FAM169A: variants seen among roughly 807,000 people sequenced by gnomAD.
FAM169A encodes the protein soluble lamin-associated protein of 75 kDa.
A neutral mutation model predicts 75.7 loss-of-function variants in FAM169A; 24 were observed. The ratio of observed to expected loss-of-function variants is 0.32; its 90% CI spans 0.23 to 0.45. The LOEUF (loss-of-function observed/expected upper bound fraction) is 0.45, where lower values mean the gene tolerates loss of function less well. Among genes scored for constraint, FAM169A ranks in the 20% least tolerant of loss-of-function variants. FAM169A has a pLI of 1.00. For synonymous variants in FAM169A, 271 were observed against 271.0 expected, an observed-to-expected ratio of 1.00 and a Z score of 0.00; for missense variants, 673 against 784.0, an observed-to-expected ratio of 0.86 and a Z score of 1.69.
chr5:74,839,339 G>T (rs193068519), intron 3 of FAM169A, among the ~76,000 whole-genome samples: 2 of 151,848 alleles, frequency 1.3e-5, no homozygotes, highest in African/African-American at 4.8e-5. Context: ...GGGTCAGGGT[G>T]GGGGGGTCCC....
intron 10 of FAM169A, among the ~76,000 whole-genome samples, chr5:74,796,491 C>T (rs775778884): frequency 1.3e-5 from 2 of 151,982 alleles, no homozygotes; most frequent in Non-Finnish European, 2.9e-5. Flanking sequence ...CTGCAACCTC[C>T]ACCTCCCAGG....
intron 5 of FAM169A, among the ~76,000 whole-genome samples, chr5:74,819,702 A>C (rs1157450176): frequency 6.6e-6 from 1 of 152,226 alleles, no homozygotes; most frequent in African/African-American, 2.4e-5. Flanking sequence ...TATCTATACA[A>C]GGTAATACTA....
At chr5:74,810,404 A>G (rs1747113581) in intron 6 of FAM169A, among the ~76,000 whole-genome samples, 2 of 152,102 alleles carry the variant, frequency 1.3e-5, no homozygotes, top group South Asian at 2.1e-4. Context: ...GCAAGGGTCC[A>G]TATGTTTGTC....
chr5:74,795,998 T>G (rs1746253018), intron 11 of FAM169A, 32 bp downstream of exon 11: 1 of 1,595,538 alleles, frequency 6.3e-7, no homozygotes, highest in South Asian at 1.1e-5. Flanking sequence ...TAGTTTACTT[T>G]TTTTCATTTT....
At chr5:74,837,645 T>A (rs1010893381) in intron 4 of FAM169A, among the ~76,000 whole-genome samples, 1 of 152,112 alleles carries the variant, frequency 6.6e-6, no homozygotes, top group African/African-American at 2.4e-5. Context: ...TGAATTGGAG[T>A]AACAGGATCA....
At chr5:74,793,594 C>T (rs780790927) in intron 11 of FAM169A, among the ~76,000 whole-genome samples, 14 of 152,104 alleles carry the variant, frequency 9.2e-5, no homozygotes, top group Admixed American at 7.2e-4. Context: ...AAAGACTACA[C>T]GTTGGGTACA....
chr5:74,858,039 C>G (rs1283717700), intron 1 of FAM169A, among the ~76,000 whole-genome samples: 1 of 151,910 alleles, frequency 6.6e-6, no homozygotes, highest in Non-Finnish European at 1.5e-5. Flanking sequence ...TATTCTAAAG[C>G]CAAATATCAA....
At chr5:74,793,945 G>A (rs1290177332) in intron 11 of FAM169A, among the ~76,000 whole-genome samples, 1 of 149,228 alleles carries the variant, frequency 6.7e-6, no homozygotes, top group South Asian at 2.1e-4. Flanking sequence ...AGAGCTTGCA[G>A]TGAGCCGAGA....
intron 5 of FAM169A, among the ~76,000 whole-genome samples, chr5:74,826,840 T>C (rs947477442): frequency 6.6e-6 from 1 of 152,234 alleles, no homozygotes; most frequent in African/African-American, 2.4e-5. Flanking sequence ...ACTAATGTTC[T>C]TTTCTGTTTC....
Position 74,839,049 on chromosome 5 carries a change from A to G in FAM169A, c.234T>C (p.Ala78=), listed in dbSNP as rs1313496342. ...ALFAPEDSLT[A]VALYLADQWW... is the part of the protein sequence containing the mutation. ...ACTGATCAGCAAGGTAAAGTGCCACAGCTAAAATAGAATAAATAATCATTA... is the reference window on the plus strand; with the variant it reads ...ACTGATCAGCAAGGTAAAGTGCCACGGCTAAAATAGAATAAATAATCATTA... Residue 78 remains alanine (A), a splice_region_variant and synonymous_variant, in exon 4 of 13, where the codon GCT becomes GCC. Transcript: ENST00000687041. 3 of 1,610,158 alleles carry G rather than the reference A, an allele frequency of 1.9e-6. No homozygotes were observed. The highest frequency in any genetic ancestry group is 1.1e-5 in the South Asian group (1 of 91,002).
chr5:74,802,620 C>T (rs536072538), intron 8 of FAM169A, among the ~76,000 whole-genome samples: 1 of 152,180 alleles, frequency 6.6e-6, no homozygotes, highest in East Asian at 1.9e-4. Context: ...AATTATTATG[C>T]TATAGTATAT....
chr5:74,862,285 A>G (rs1750077184), intron 1 of FAM169A, among the ~76,000 whole-genome samples: 1 of 152,230 alleles, frequency 6.6e-6, no homozygotes, highest in South Asian at 2.1e-4. Context: ...AGCAAAACTC[A>G]TACACATCCA....
intron 1 of FAM169A, among the ~76,000 whole-genome samples, chr5:74,847,984 C>T (rs1749247031): frequency 6.6e-6 from 1 of 152,010 alleles, no homozygotes. Flanking sequence ...GATTTCTGAA[C>T]ACGGTTTAAA....
At chr5:74,819,787 A>G (rs976492229) in intron 5 of FAM169A, among the ~76,000 whole-genome samples, 2 of 152,190 alleles carry the variant, frequency 1.3e-5, no homozygotes, top group Admixed American at 6.5e-5. Flanking sequence ...ATGCTAAACA[A>G]AAGACGCCAG....
At chr5:74,860,628 A>T (rs1749982400) in intron 1 of FAM169A, among the ~76,000 whole-genome samples, 1 of 152,070 alleles carries the variant, frequency 6.6e-6, no homozygotes, top group African/African-American at 2.4e-5. Context: ...CAGATTTGGG[A>T]GCTACCAGTG....
intron 1 of FAM169A, among the ~76,000 whole-genome samples, chr5:74,850,741 T>C (rs1473980209): frequency 1.3e-5 from 2 of 152,226 alleles, no homozygotes; most frequent in African/African-American, 4.8e-5. Flanking sequence ...AGGCAAATTA[T>C]AACCAGTATG....
chr5:74,807,798 T>C (rs1384391887), intron 6 of FAM169A, among the ~76,000 whole-genome samples: 1 of 152,138 alleles, frequency 6.6e-6, no homozygotes. Flanking sequence ...ATGAACAAAA[T>C]GATGCCACGT....
intron 1 of FAM169A, among the ~76,000 whole-genome samples, chr5:74,846,180 CTCAAGGATTAATG>C (rs1749147540): frequency 1.3e-5 from 2 of 152,150 alleles, no homozygotes; most frequent in Admixed American, 1.3e-4. Flanking sequence ...CTAGATGAGG[CTCAAGGATTAATG>C]TCATAGTATT....
intron 1 of FAM169A, among the ~76,000 whole-genome samples, chr5:74,858,201 C>T (rs1749824232): frequency 6.6e-6 from 1 of 151,840 alleles, no homozygotes; most frequent in Non-Finnish European, 1.5e-5. Flanking sequence ...GCCTGACCAA[C>T]ATAGTGAAAC....
Sources: gnomAD v4.1 joint callset for allele counts (sites outside exome capture counted in the v4.1 genomes callset) on GRCh38, gnomAD v4.1.1 for gene constraint, MANE v1.5 for transcripts, NCBI Gene and HGNC (gene_info 2026-07-23, HGNC 2026-07-21) for gene names.